WDR59: variants seen among roughly 807,000 people sequenced by gnomAD.
The protein encoded by WDR59 is GATOR2 complex protein WDR59.
WDR59 carries 100 observed loss-of-function variants against 131.2 expected under a neutral mutation model. The ratio of observed to expected loss-of-function variants is 0.76; its 90% CI spans 0.65 to 0.90. The LOEUF is 0.90. WDR59 is among the 40% of genes least tolerant of loss of function. The pLI, the probability that WDR59 is intolerant of heterozygous loss-of-function variation, is 0.00. For missense variants in WDR59, 1,203 were observed against 1,262.2 expected (o/e 0.95, Z 0.71); for synonymous variants, 601 against 466.2 (o/e 1.29, Z -3.72).
intron 2 of WDR59, among the ~76,000 whole-genome samples, chr16:74,958,965 A>G (rs1299167561): frequency 1.3e-5 from 2 of 152,140 alleles, no homozygotes; most frequent in African/African-American, 4.8e-5. Context: ...AGACCAAGGC[A>G]GGAGGATCAC....
intron 8 of WDR59, among the ~76,000 whole-genome samples, chr16:74,928,169 G>C (rs997983440): frequency 6.7e-6 from 1 of 148,560 alleles, no homozygotes; most frequent in African/African-American, 2.5e-5. Context: ...GCCTCCCAAA[G>C]TGCTGGGATT....
intron 13 of WDR59, chr16:74,915,490 T>C (rs1277744937): frequency 6.1e-6 from 1 of 163,950 alleles, no homozygotes; most frequent in Non-Finnish European, 1.3e-5. Context: ...AGGACAGTGG[T>C]GCGATCTTGG....
In WDR59 at chr16:74,922,108, G is replaced by A; in HGVS notation, c.730-5C>T. 1.2e-6 allele frequency: 2 copies of A among 1,614,016 alleles called. No individual in the cohort carries two copies. The highest frequency in any genetic ancestry group is 8.5e-7 in the Non-Finnish European group (1 of 1,179,950). On this transcript the variant is annotated splice_polypyrimidine_tract_variant and splice_region_variant and intron_variant, in intron 9 of 25. Coordinates refer to ENST00000262144, the MANE Select transcript of WDR59 (RefSeq NM_030581.4). Reference sequence around the variant, plus strand: ...CACCAATCCATTGCTGAAAGGCTAAGGCAGGGAAGGGAAAAGCAGGTGATT... The same window carrying A: ...CACCAATCCATTGCTGAAAGGCTAAAGCAGGGAAGGGAAAAGCAGGTGATT...
intron 8 of WDR59, among the ~76,000 whole-genome samples, chr16:74,933,221 A>G (rs2031541393): frequency 6.6e-6 from 1 of 152,160 alleles, no homozygotes; most frequent in Non-Finnish European, 1.5e-5. Context: ...GGATCACTTG[A>G]GCCCAGGAGT....
chr16:74,911,561 T>C (rs1966092531), intron 14 of WDR59, among the ~76,000 whole-genome samples: 1 of 152,224 alleles, frequency 6.6e-6, no homozygotes, highest in Non-Finnish European at 1.5e-5. Context: ...GATGAACTGA[T>C]GCATTAAATC....
At chr16:74,908,117 T>C (rs1169662244) in intron 17 of WDR59, among the ~76,000 whole-genome samples, 1 of 152,176 alleles carries the variant, frequency 6.6e-6, no homozygotes, top group African/African-American at 2.4e-5. Context: ...GGCTTTTGCG[T>C]TGTAATTTAA....
At chr16:74,877,691 C>G (rs1964282008) in intron 25 of WDR59, among the ~76,000 whole-genome samples, 1 of 152,080 alleles carries the variant, frequency 6.6e-6, no homozygotes, top group Non-Finnish European at 1.5e-5. Context: ...ACTACAGGCG[C>G]CTGCCAACAT....
chr16:74,945,789 G>A (rs2145115634), intron 6 of WDR59, among the ~76,000 whole-genome samples: 1 of 151,552 alleles, frequency 6.6e-6, no homozygotes, highest in South Asian at 2.1e-4. Flanking sequence ...TTCTGAGAGA[G>A]AGAGAGACAG....
intron 18 of WDR59, among the ~76,000 whole-genome samples, chr16:74,896,347 G>A (rs1965297097): frequency 6.6e-6 from 1 of 152,162 alleles, no homozygotes; most frequent in Non-Finnish European, 1.5e-5. Flanking sequence ...AAATAACCAT[G>A]GGCCAAGTGC....
intron 18 of WDR59, 68 bp downstream of exon 18, chr16:74,903,879 G>C: frequency 6.5e-7 from 1 of 1,531,632 alleles, no homozygotes; most frequent in Non-Finnish European, 8.8e-7. Context: ...TGCTGCGCCA[G>C]GCAGGAGATG....
intron 18 of WDR59, among the ~76,000 whole-genome samples, chr16:74,901,987 T>C (rs920531914): frequency 8.5e-5 from 13 of 152,218 alleles, no homozygotes; most frequent in African/African-American, 3.1e-4. Context: ...ACCTATTAAG[T>C]TGAACCACAT....
intron 18 of WDR59, among the ~76,000 whole-genome samples, chr16:74,895,839 C>T (rs950697357): frequency 6.6e-6 from 1 of 152,182 alleles, no homozygotes; most frequent in African/African-American, 2.4e-5. Flanking sequence ...TGACCTAAGA[C>T]AGACGTAGTC....
chr16:74,965,972 C>T (rs2033759087), intron 1 of WDR59, 150 bp from the exon 2 acceptor site: 2 of 689,918 alleles, frequency 2.9e-6, no homozygotes, highest in East Asian at 5.5e-5. Context: ...TTCTACCCAC[C>T]CACTTCTAAT....
At chr16:74,882,896 G>C (rs1197205871) in intron 25 of WDR59, among the ~76,000 whole-genome samples, 13 of 147,104 alleles carry the variant, frequency 8.8e-5, no homozygotes, top group Admixed American at 4.1e-4. Flanking sequence ...CAACTTAAAA[G>C]AGTCAAATCA....
At chr16:74,907,222 T>C (rs545341375) in intron 17 of WDR59, among the ~76,000 whole-genome samples, 2 of 152,274 alleles carry the variant, frequency 1.3e-5, no homozygotes, top group South Asian at 4.1e-4. Context: ...CAGTTCTCTC[T>C]CTTTCTTGTT....
intron 1 of WDR59, among the ~76,000 whole-genome samples, chr16:74,970,636 T>C (rs941332116): frequency 4.6e-5 from 7 of 151,600 alleles, no homozygotes; most frequent in African/African-American, 7.3e-5. Context: ...GTTATTGCTA[T>C]ACACATCTTT....
chr16:74,949,894 T>A, intron 4 of WDR59, 96 bp from the exon 5 acceptor site: 2 of 1,080,152 alleles, frequency 1.9e-6, no homozygotes, highest in Non-Finnish European at 2.8e-6. Flanking sequence ...GGCTTCAGAA[T>A]GTCATCATTA....
chr16:74,890,335 G>C (rs566037950), intron 20 of WDR59, among the ~76,000 whole-genome samples: 9 of 152,060 alleles, frequency 5.9e-5, no homozygotes, highest in Non-Finnish European at 1.2e-4. Context: ...ATTTTCAGTA[G>C]AGATGGGGTT....
At chr16:74,928,289 C>G (rs1555562702) in intron 8 of WDR59, among the ~76,000 whole-genome samples, 1 of 147,988 alleles carries the variant, frequency 6.8e-6, no homozygotes, top group Non-Finnish European at 1.5e-5. Flanking sequence ...TTATGGCTCA[C>G]TGTAGCCTTG....
Sources: gnomAD v4.1 joint callset for allele counts (sites outside exome capture counted in the v4.1 genomes callset) on GRCh38, gnomAD v4.1.1 for gene constraint, MANE v1.5 for transcripts, NCBI Gene and HGNC (gene_info 2026-07-23, HGNC 2026-07-21) for gene names.